AGR3: variants seen among roughly 807,000 people sequenced by gnomAD.
The protein encoded by AGR3 is anterior gradient 3, protein disulphide isomerase family member.
AGR3 carries 37 observed loss-of-function variants against 24.5 expected under a neutral mutation model. That is an observed-to-expected ratio of 1.51 (90% CI 1.16 to 1.99). AGR3 has a LOEUF of 1.99. Ranked by LOEUF, AGR3 falls within the 30% of genes most tolerant of loss-of-function variation. The probability of loss-of-function intolerance (pLI) is 0.00; values close to 1 mark genes in which losing one functional copy is unlikely to be tolerated. For synonymous variants in AGR3, 75 were observed against 61.6 expected (o/e 1.22, Z -1.02); for missense variants, 228 against 191.1 (o/e 1.19, Z -1.14).
At chr7:16,877,726 G>C (rs1214626917) in intron 2 of AGR3, among the ~76,000 whole-genome samples, 1 of 152,014 alleles carries the variant, frequency 6.6e-6, no homozygotes, top group Admixed American at 6.6e-5. Context: ...AGCCGGGCAT[G>C]GTGGCGGGCG....
At chr7:16,860,063 C>G (rs986780050) in intron 7 of AGR3, among the ~76,000 whole-genome samples, 1 of 150,218 alleles carries the variant, frequency 6.7e-6, no homozygotes, top group Admixed American at 6.7e-5. Context: ...TGAGACCAGC[C>G]TGGGCAACAT....
chr7:16,877,639 G>A (rs1159376692), intron 2 of AGR3, among the ~76,000 whole-genome samples: 6 of 151,742 alleles, frequency 4.0e-5, no homozygotes, highest in East Asian at 1.9e-4. Context: ...CGAGGCGGGC[G>A]GATCACAAGG....
intron 2 of AGR3, among the ~76,000 whole-genome samples, chr7:16,877,864 A>AG (rs1320126140): frequency 1.8e-5 from 2 of 111,838 alleles, no homozygotes; most frequent in Non-Finnish European, 3.7e-5. Context: ...CTCCGTCTCA[A>AG]AAAAAAAAAA....
chr7:16,867,789 G>A (rs62443941), intron 3 of AGR3, among the ~76,000 whole-genome samples: 2,398 of 152,206 alleles, frequency 0.016, 35 homozygotes, highest in Middle Eastern at 0.031. Context: ...ATGTTCTCCA[G>A]GTTCTTCTAT....
At chr7:16,859,082 G>A (rs1288802986), downstream of AGR3, among the ~76,000 whole-genome samples, 3 of 151,930 alleles carry the variant, frequency 2.0e-5, no homozygotes, top group African/African-American at 4.8e-5. Context: ...TACAGGGGAG[G>A]AGACAGAATT....
At position 16,860,495 on chromosome 7, in the gene AGR3, C is replaced by T. The variant is rs1190342681; in HGVS notation, c.451+5G>A. On this transcript the variant is annotated splice_donor_5th_base_variant and intron_variant, in intron 7 of 7. Coordinates refer to ENST00000310398, the MANE Select transcript of AGR3 (RefSeq NM_176813.5). ...CACTGTTTGAGATCATTTGTGAATA[C>T]TTACATAGGGGTAAATCCCGAGGCT... is the stretch of plus-strand genomic sequence containing the variant. The T allele has an allele frequency of 3.1e-6, 5 of 1,606,892 alleles. No individual in the cohort carries two copies. The highest frequency in any genetic ancestry group is 1.6e-4 in the Middle Eastern group (1 of 6,070).
At chr7:16,854,904 T>G (rs1275565190), downstream of AGR3, among the ~76,000 whole-genome samples, 1 of 152,206 alleles carries the variant, frequency 6.6e-6, no homozygotes, top group Non-Finnish European at 1.5e-5. Flanking sequence ...TGTCTCTGTA[T>G]CCAAATTTCT....
chr7:16,872,930 T>C (rs958155911), intron 3 of AGR3, among the ~76,000 whole-genome samples: 2 of 152,158 alleles, frequency 1.3e-5, no homozygotes, highest in African/African-American at 4.8e-5. Flanking sequence ...AGAACTGATA[T>C]TATCAAAAAG....
chr7:16,868,740 G>A (rs918452722), intron 3 of AGR3, among the ~76,000 whole-genome samples: 1 of 152,028 alleles, frequency 6.6e-6, no homozygotes, highest in African/African-American at 2.4e-5. Context: ...ACTAATGTCT[G>A]GGTATATAGA....
intron 2 of AGR3, among the ~76,000 whole-genome samples, chr7:16,874,729 G>C (rs888078157): frequency 2.0e-5 from 3 of 152,144 alleles, no homozygotes; most frequent in African/African-American, 7.2e-5. Flanking sequence ...TGATAAATAT[G>C]ATTCCATGAT....
chr7:16,875,490 T>C (rs1329322679), intron 2 of AGR3, among the ~76,000 whole-genome samples: 5 of 151,550 alleles, frequency 3.3e-5, no homozygotes, highest in Non-Finnish European at 7.4e-5. Context: ...ATATACCATA[T>C]TTTATTTATC....
At chr7:16,874,733 C>T (rs1781951976) in intron 2 of AGR3, among the ~76,000 whole-genome samples, 1 of 152,058 alleles carries the variant, frequency 6.6e-6, no homozygotes, top group Non-Finnish European at 1.5e-5. Context: ...AAATATGATT[C>T]CATGATTTTT....
At position 16,860,672 on chromosome 7, in the gene AGR3, G is replaced by T. The variant is rs1409992719; in HGVS notation, c.368-89C>A. On this transcript the variant is annotated intron_variant, in intron 6 of 7. Transcript: ENST00000310398. The stretch of plus-strand genomic sequence containing the variant: ...AAAACTTAATTATTATTTTATATGT[G>T]GGGGTTATGTGTACAAGTTTGTTAC... 4 of 892,632 alleles carry T rather than the reference G, an allele frequency of 4.5e-6. No homozygotes were observed. In the Admixed American group the frequency reaches 6.5e-5, roughly 15 times the overall value. 55.3% of individuals were successfully genotyped at this position (892,632 alleles called of 1,614,324 possible). A position where few individuals can be genotyped will look rare whatever the true frequency, so the allele number is the denominator to read the frequency against.
At chr7:16,868,383 G>C (rs1399984409) in intron 3 of AGR3, among the ~76,000 whole-genome samples, 1 of 152,094 alleles carries the variant, frequency 6.6e-6, no homozygotes, top group African/African-American at 2.4e-5. Context: ...TCGAACTCCC[G>C]ACCTCAAGTG....
chr7:16,879,889 G>C lies in AGR3; in HGVS notation c.-27-1244C>G, dbSNP rs112997268. 8.7e-3 allele frequency among the ~76,000 whole-genome samples: 1,323 copies of C among 152,296 alleles called. 20 individuals carry two copies. The highest frequency in any genetic ancestry group is 0.029 in the African/African-American group (1,225 of 41,564). On this transcript the variant is annotated intron_variant, in intron 1 of 7. Coordinates refer to ENST00000310398, the MANE Select transcript of AGR3 (RefSeq NM_176813.5). ...CAATTTGGTGGTAAAGAAGTTTACA[G>C]ATTCTAGATTTCTCCAGACATTTCC... is the stretch of plus-strand genomic sequence containing the variant.
chr7:16,864,450 G>C, intron 3 of AGR3: 1 of 1,298,876 alleles, frequency 7.7e-7, no homozygotes, highest in Non-Finnish European at 1.1e-6. Flanking sequence ...AATGTCCTCC[G>C]TTAAGCTGGG....
rs146597228 is a variant in AGR3 at position 16,872,532 on chromosome 7, G to A, written c.173+1248C>T. 1.3e-3 allele frequency among the ~76,000 whole-genome samples: 196 copies of A among 152,164 alleles called. 1 individual carries two copies. The highest frequency in any genetic ancestry group is 4.6e-3 in the African/African-American group (190 of 41,528). Reference sequence around the variant, plus strand: ...GAAGAAAATATAAGGGAAGCCCTTCGGACATTGTTCCCTGCAAAAAAATGT... The same window carrying A: ...GAAGAAAATATAAGGGAAGCCCTTCAGACATTGTTCCCTGCAAAAAAATGT... On this transcript the variant is annotated intron_variant, in intron 3 of 7. Coordinates refer to ENST00000310398, the MANE Select transcript of AGR3 (RefSeq NM_176813.5).
intron 3 of AGR3, chr7:16,866,151 G>T (rs1781754176): frequency 9.3e-6 from 5 of 539,816 alleles, no homozygotes; most frequent in African/African-American, 7.7e-5. Context: ...TAATGTAGAA[G>T]GCTCATTTTT....
At chr7:16,880,054 C>CTTCCCCGTCCTTCCTTCCCCTTCCTTCT (rs1782074931) in intron 1 of AGR3, among the ~76,000 whole-genome samples, 1 of 140,930 alleles carries the variant, frequency 7.1e-6, no homozygotes, top group Non-Finnish European at 1.6e-5. Flanking sequence ...CCCTCCTTCC[C>CTTCCCCGTCCTTCCTTCCCCTTCCTTCT]TTCCCCTTCC....
Sources: gnomAD v4.1 joint callset for allele counts (sites outside exome capture counted in the v4.1 genomes callset) on GRCh38, gnomAD v4.1.1 for gene constraint, MANE v1.5 for transcripts, NCBI Gene and HGNC (gene_info 2026-07-23, HGNC 2026-07-21) for gene names.